Variants in C4orf51 observed in about 807,000 individuals in gnomAD.
The protein encoded by C4orf51 is chromosome 4 open reading frame 51.
In C4orf51, 25 loss-of-function variants were observed where a neutral mutation model predicts 25.2. The observed-to-expected ratio is 0.99, with a 90% CI of 0.72 to 1.39. The LOEUF (loss-of-function observed/expected upper bound fraction) is 1.39, where lower values mean the gene tolerates loss of function less well. Among genes scored for constraint, C4orf51 ranks in the 40% most tolerant of loss-of-function variants. C4orf51 has a pLI of 0.00. For missense variants in C4orf51, 252 were observed against 239.6 expected (o/e 1.05, Z -0.34); for synonymous variants, 100 against 84.5 (o/e 1.18, Z -1.01).
intron 1 of C4orf51, among the ~76,000 whole-genome samples, chr4:145,687,194 A>G (rs1729218967): frequency 6.6e-6 from 1 of 152,200 alleles, no homozygotes; most frequent in South Asian, 2.1e-4. Context: ...GCTAATCAGA[A>G]ACTCAAAAGA....
At chr4:145,775,912 C>T (rs79923423), downstream of C4orf51, 26 of 1,614,090 alleles carry the variant, frequency 1.6e-5, no homozygotes, top group South Asian at 3.3e-5. Context: ...CAGATTTGCA[C>T]GGCACTTAGC....
chr4:145,730,026 T>A, intron 5 of C4orf51, 61 bp downstream of exon 5: 1 of 1,380,782 alleles, frequency 7.2e-7, no homozygotes, highest in Non-Finnish European at 1.0e-6. Context: ...GAAGCGGGGT[T>A]CTGAGTGTCT....
chr4:145,745,620 C>T (rs1037857508), intron 1 of C4orf51, among the ~76,000 whole-genome samples: 1 of 152,168 alleles, frequency 6.6e-6, no homozygotes, highest in Non-Finnish European at 1.5e-5. Context: ...ATCCTTTCAT[C>T]TGTTGATGGA....
At chr4:145,687,012 GGT>G (rs1205278552) in intron 1 of C4orf51, among the ~76,000 whole-genome samples, 42 of 65,050 alleles carry the variant, frequency 6.5e-4, no homozygotes, top group African/African-American at 3.6e-3. Context: ...TGGGGGGGGC[GGT>G]TTCCTTCTAC....
chr4:145,776,985 A>G, the C4orf51 span, among the ~76,000 whole-genome samples: 1 of 152,248 alleles, frequency 6.6e-6, no homozygotes, highest in African/African-American at 2.4e-5. Flanking sequence ...GATAAAGGTA[A>G]TAGCAGAAGA....
At chr4:145,681,554 A>G (rs1363050867) in intron 1 of C4orf51, among the ~76,000 whole-genome samples, 1 of 152,144 alleles carries the variant, frequency 6.6e-6, no homozygotes, top group Non-Finnish European at 1.5e-5. Flanking sequence ...CAGGTAGTGA[A>G]GTTGTCTTAG....
downstream of C4orf51, among the ~76,000 whole-genome samples, chr4:145,734,610 G>T (rs1732702854): frequency 6.6e-6 from 1 of 152,092 alleles, no homozygotes; most frequent in Non-Finnish European, 1.5e-5. Context: ...CCCCACTCCC[G>T]CCCTGACCGT....
At chr4:145,720,813 A>G (rs951252723) in intron 2 of C4orf51, among the ~76,000 whole-genome samples, 1 of 152,158 alleles carries the variant, frequency 6.6e-6, no homozygotes, top group Non-Finnish European at 1.5e-5. Flanking sequence ...TCAGACAGGC[A>G]GGCTGCTCCC....
At chr4:145,778,154 A>T in the C4orf51 span, among the ~76,000 whole-genome samples, 75 of 152,002 alleles carry the variant, frequency 4.9e-4, no homozygotes, top group Non-Finnish European at 9.6e-4. Context: ...TTTTTTTGAG[A>T]CTGAGTTTCG....
intron 1 of C4orf51, among the ~76,000 whole-genome samples, chr4:145,688,046 T>TA (rs1729283336): frequency 3.7e-5 from 5 of 135,166 alleles, no homozygotes; most frequent in East Asian, 2.5e-4. Context: ...TCTGCAAAAA[T>TA]CAAAAAAATA....
chr4:145,749,441 C>A (rs1733554064), intron 1 of C4orf51, among the ~76,000 whole-genome samples: 1 of 151,688 alleles, frequency 6.6e-6, no homozygotes. Context: ...TTATTCCTGT[C>A]ATTTTGTTGT....
downstream of C4orf51, chr4:145,774,561 G>A: frequency 1.2e-6 from 2 of 1,612,982 alleles, no homozygotes; most frequent in Non-Finnish European, 1.7e-6. Context: ...TGGTGACGAA[G>A]TCGCAGGCAG....
intron 1 of C4orf51, among the ~76,000 whole-genome samples, chr4:145,693,267 A>T (rs1185523349): frequency 6.6e-6 from 1 of 150,946 alleles, no homozygotes; most frequent in Admixed American, 6.6e-5. Flanking sequence ...GCATCTGTTT[A>T]ACAAAGCCCA....
intron 2 of C4orf51, among the ~76,000 whole-genome samples, chr4:145,711,050 C>T (rs1293700544): frequency 6.6e-6 from 1 of 152,174 alleles, no homozygotes; most frequent in Non-Finnish European, 1.5e-5. Flanking sequence ...AGAATGCATG[C>T]ATATCAAAAC....
the C4orf51 span, among the ~76,000 whole-genome samples, chr4:145,781,203 AAAAAAAAAAAAAAAGAAAAAAAAAG>A: frequency 8.0e-5 from 11 of 138,192 alleles, no homozygotes; most frequent in Admixed American, 7.4e-4. Flanking sequence ...CTCAAAAAAA[AAAAAAAAAAAAAAAGAAAAAAAAAG>A]AAAAAAAAAA....
At position 145,723,324 on chromosome 4, in the gene C4orf51, T is replaced by C. The variant is rs186291647; in HGVS notation, c.308-3587T>C. On this transcript the variant is annotated intron_variant, in intron 2 of 5. Transcript: ENST00000438731. ...AGTACTCAGAAAGGATGGAGAATGG[T>C]TTGTCTTCACCTTCCAACATTATGT... Among the ~76,000 whole-genome samples the C allele has an allele frequency of 1.8e-3, 273 of 152,280 alleles. 7 individuals carry two copies. The highest frequency in any genetic ancestry group is 0.018 in the Admixed American group (271 of 15,300).
At position 145,694,096 on chromosome 4, in the gene C4orf51, A is replaced by C. The variant is rs1293480704; in HGVS notation, c.234-2463A>C. ...TCGGCCGGGCAGAGGCGCTCCTCAC[A>C]TCCCAGATGGGGCGGCGGGGCAGAG... On this transcript the variant is annotated intron_variant, in intron 1 of 5. Coordinates refer to ENST00000438731, the MANE Select transcript of C4orf51 (RefSeq NM_001080531.3). Among the ~76,000 whole-genome samples the C allele has an allele frequency of 1.5e-3, 185 of 123,268 alleles. 1 individual carries two copies. Among genetic ancestry groups the C allele is most frequent in the African/African-American group, 5.5e-3 (175 of 31,758 alleles). The allele number at this position is 123,268 out of a possible 152,430, so 80.9% of individuals were successfully genotyped here.
At chr4:145,720,066 A>G (rs1458789140) in intron 2 of C4orf51, among the ~76,000 whole-genome samples, 1 of 152,110 alleles carries the variant, frequency 6.6e-6, no homozygotes, top group Admixed American at 6.5e-5. Context: ...TCCAAAGCTT[A>G]TTGATCCTGG....
downstream of C4orf51, among the ~76,000 whole-genome samples, chr4:145,775,382 C>T (rs1308981181): frequency 6.6e-6 from 1 of 151,936 alleles, no homozygotes; most frequent in Non-Finnish European, 1.5e-5. Flanking sequence ...TACGTAACGC[C>T]TTCTGGGCTA....
Sources: gnomAD v4.1 joint callset for allele counts (sites outside exome capture counted in the v4.1 genomes callset) on GRCh38, gnomAD v4.1.1 for gene constraint, MANE v1.5 for transcripts, NCBI Gene and HGNC (gene_info 2026-07-23, HGNC 2026-07-21) for gene names.